Variants in SLC12A1 observed in about 807,000 individuals in gnomAD.
SLC12A1 encodes the protein Na-K-2Cl cotransporter.
Under a neutral mutation model 130.4 loss-of-function variants are expected in SLC12A1, and 89 were observed. The ratio of observed to expected loss-of-function variants is 0.68; its 90% CI spans 0.58 to 0.81. The LOEUF (loss-of-function observed/expected upper bound fraction) is 0.81, where lower values mean the gene tolerates loss of function less well. Among genes scored for constraint, SLC12A1 ranks in the 40% least tolerant of loss-of-function variants. The probability of loss-of-function intolerance (pLI) is 0.00; values close to 1 mark genes in which losing one functional copy is unlikely to be tolerated. For synonymous variants in SLC12A1, 499 were observed against 460.0 expected, an observed-to-expected ratio of 1.08 and a Z score of -1.09; for missense variants, 1,310 against 1,336.4, an observed-to-expected ratio of 0.98 and a Z score of 0.31.
At chr15:48,281,691 A>G (rs987382318) in intron 20 of SLC12A1, among the ~76,000 whole-genome samples, 4 of 152,226 alleles carry the variant, frequency 2.6e-5, no homozygotes, top group Non-Finnish European at 5.9e-5. Context: ...CTCTGCATGC[A>G]TCCCAGTATT....
intron 2 of SLC12A1, among the ~76,000 whole-genome samples, chr15:48,211,770 T>A (rs535988978): frequency 6.6e-6 from 1 of 152,308 alleles, no homozygotes; most frequent in East Asian, 1.9e-4. Context: ...GACAAAATTA[T>A]ACTAATAGGT....
intron 2 of SLC12A1, among the ~76,000 whole-genome samples, chr15:48,208,499 G>C (rs571359593): frequency 4.8e-4 from 73 of 152,166 alleles, no homozygotes; most frequent in African/African-American, 1.6e-3. Flanking sequence ...TTTTTGTAGA[G>C]ACAGGGTCTT....
intron 24 of SLC12A1, among the ~76,000 whole-genome samples, chr15:48,292,207 A>C (rs2042129169): frequency 6.6e-6 from 1 of 152,212 alleles, no homozygotes; most frequent in Non-Finnish European, 1.5e-5. Flanking sequence ...AAGTTTTGTT[A>C]TTCAGAGTTA....
At chr15:48,268,363 G>C (rs941352799) in intron 18 of SLC12A1, among the ~76,000 whole-genome samples, 2 of 151,988 alleles carry the variant, frequency 1.3e-5, no homozygotes, top group Admixed American at 6.6e-5. Flanking sequence ...CAATCCAAGA[G>C]ACCCTCAGAA....
chr15:48,260,817 C>T (rs114659388), intron 17 of SLC12A1, among the ~76,000 whole-genome samples: 1 of 152,186 alleles, frequency 6.6e-6, no homozygotes, highest in Non-Finnish European at 1.5e-5. Context: ...GCTAATTTAC[C>T]ACATGTCATC....
At chr15:48,258,558 C>G (rs2041735693) in intron 16 of SLC12A1, among the ~76,000 whole-genome samples, 1 of 152,120 alleles carries the variant, frequency 6.6e-6, no homozygotes, top group African/African-American at 2.4e-5. Context: ...CTCCAAGTCT[C>G]TAGGAAGTTC....
In SLC12A1 at chr15:48,267,754, A is replaced by G. The variant is rs576545826; in HGVS notation, c.2295+53A>G. On this transcript the variant is annotated intron_variant, in intron 18 of 26. Transcript: ENST00000380993. ...AGAGGCAAAAGACAATTAGTGCTCCATGTTAATAAGGCTCCCAAAGTGAAC... is the reference window on the plus strand; with the variant it reads ...AGAGGCAAAAGACAATTAGTGCTCCGTGTTAATAAGGCTCCCAAAGTGAAC... 9 of 1,592,606 alleles carry G rather than the reference A, an allele frequency of 5.7e-6. No homozygotes were observed. The East Asian group carries it at 1.6e-4, about 28-fold the overall frequency.
chr15:48,208,933 G>A (rs1211194776), intron 2 of SLC12A1, among the ~76,000 whole-genome samples: 1 of 152,072 alleles, frequency 6.6e-6, no homozygotes, highest in Non-Finnish European at 1.5e-5. Context: ...CTTTGCCTGA[G>A]GCTCCTGAAT....
intron 13 of SLC12A1, among the ~76,000 whole-genome samples, chr15:48,248,595 A>G (rs1566840249): frequency 6.6e-6 from 1 of 152,122 alleles, no homozygotes; most frequent in African/African-American, 2.4e-5. Context: ...CATTTGCATC[A>G]TTGCATCATT....
intron 24 of SLC12A1, among the ~76,000 whole-genome samples, chr15:48,294,347 CAAAA>C (rs1202623612): frequency 4.3e-5 from 2 of 46,342 alleles, no homozygotes; most frequent in African/African-American, 7.2e-5. Context: ...GACTACATCT[CAAAA>C]AAAAAAAAAA....
At chr15:48,230,649 A>T in intron 7 of SLC12A1, 146 bp downstream of exon 7, 2 of 631,412 alleles carry the variant, frequency 3.2e-6, no homozygotes, top group Non-Finnish European at 5.7e-6. Flanking sequence ...GTGGAACACC[A>T]AGCCTGCAAA....
chr15:48,237,036 G>C (rs975870358), intron 9 of SLC12A1: 2 of 702,444 alleles, frequency 2.8e-6, no homozygotes, highest in Non-Finnish European at 5.2e-6. Flanking sequence ...GCTCAGAGTC[G>C]AAGGAGGAGA....
chr15:48,301,502 T>TGGCGGGG, intron 26 of SLC12A1, 120 bp downstream of exon 26: 2 of 429,450 alleles, frequency 4.7e-6, no homozygotes, highest in Non-Finnish European at 7.3e-6. Flanking sequence ...GTGTTTTTTT[T>TGGCGGGG]GGGGGGGGGA....
At chr15:48,240,198 G>T (rs547467943) in intron 9 of SLC12A1, among the ~76,000 whole-genome samples, 4 of 149,574 alleles carry the variant, frequency 2.7e-5, no homozygotes, top group Admixed American at 6.7e-5. Context: ...ATTTTACTCA[G>T]ATCTCAAGAA....
At chr15:48,278,070 C>T (rs370742962) in intron 20 of SLC12A1, among the ~76,000 whole-genome samples, 1 of 152,306 alleles carries the variant, frequency 6.6e-6, no homozygotes, top group African/African-American at 2.4e-5. Flanking sequence ...TACTAACTCC[C>T]ACTCAGTGAG....
intron 8 of SLC12A1, among the ~76,000 whole-genome samples, 192 bp from the exon 9 acceptor site, chr15:48,234,685 A>G (rs2041419247): frequency 1.3e-5 from 2 of 152,074 alleles, no homozygotes; most frequent in Admixed American, 1.3e-4. Flanking sequence ...CCTGGGAGGC[A>G]GAGGTTGCAG....
Position 48,247,578 on chromosome 15 carries a change from T to C in SLC12A1, c.1684+118T>C, listed in dbSNP as rs963947056. 47 of 771,288 alleles carry C rather than the reference T, an allele frequency of 6.1e-5. No homozygotes were observed. In the East Asian group the frequency reaches 1.2e-3, roughly 19 times the overall value. The allele number at this position is 771,288 out of a possible 1,614,324, so 47.8% of individuals were successfully genotyped here. A position where few individuals can be genotyped will look rare whatever the true frequency, so the allele number is the denominator to read the frequency against. On this transcript the variant is annotated intron_variant, in intron 13 of 26. Coordinates refer to ENST00000380993, the MANE Select transcript of SLC12A1 (RefSeq NM_000338.3). The stretch of plus-strand genomic sequence containing the variant: ...ATGTTTAGGATCCCATTTGGGAATA[T>C]TGGCATCTAAGAAGGAAATGAGAAA...
Position 48,285,166 on chromosome 15 carries a change from A to G in SLC12A1, c.2546A>G (p.Glu849Gly), listed in dbSNP as rs774989723. The change falls in exon 21 of 27, where the codon GAG becomes GGG. Residue 849 changes from glutamate (E) to glycine (G), a missense_variant. By Grantham distance (98) the Glu-to-Gly change is moderately conservative. Coordinates refer to ENST00000380993, the MANE Select transcript of SLC12A1 (RefSeq NM_000338.3). ...LALEATIKDNECEEESGGIRG... is the reference protein window; with the variant it reads ...LALEATIKDNGCEEESGGIRG... ...TTGGAAGCGACTATCAAAGATAATGAGTGTGAAGAGGAAAGTGGAGGCATC... is the reference window on the plus strand; with the variant it reads ...TTGGAAGCGACTATCAAAGATAATGGGTGTGAAGAGGAAAGTGGAGGCATC... 15 of 1,613,532 alleles carry G rather than the reference A, an allele frequency of 9.3e-6. No individual in the cohort carries two copies. Among genetic ancestry groups the G allele is most frequent in the Non-Finnish European group, 1.3e-5 (15 of 1,179,644 alleles).
intron 10 of SLC12A1, among the ~76,000 whole-genome samples, chr15:48,242,724 C>T (rs1006274606): frequency 2.0e-5 from 3 of 152,158 alleles, no homozygotes; most frequent in Admixed American, 6.5e-5. Flanking sequence ...ATTGCTTAAG[C>T]CTGGAAGGTC....
Sources: gnomAD v4.1 joint callset for allele counts (sites outside exome capture counted in the v4.1 genomes callset) on GRCh38, gnomAD v4.1.1 for gene constraint, MANE v1.5 for transcripts, NCBI Gene and HGNC (gene_info 2026-07-23, HGNC 2026-07-21) for gene names.